The following MSRA variants were observed in gnomAD, a reference collection of about 807,000 sequenced individuals.
MSRA encodes the protein methionine sulfoxide reductase A.
Under a neutral mutation model 31.3 loss-of-function variants are expected in MSRA, and 54 were observed. The observed-to-expected ratio is 1.73, with a 90% CI of 1.39 to 2.17. The LOEUF (loss-of-function observed/expected upper bound fraction) is 2.17, where lower values mean the gene tolerates loss of function less well. MSRA is among the 30% of genes most tolerant of loss of function. MSRA has a pLI of 0.00. For missense variants in MSRA, 507 were observed against 300.9 expected, an observed-to-expected ratio of 1.69 and a Z score of -5.07; for synonymous variants, 169 against 116.5, an observed-to-expected ratio of 1.45 and a Z score of -2.90.
rs1331681642 is a variant in MSRA at position 10,409,673 on chromosome 8, GC to G, written c.544-18472del. ...AATGCATACGCAGCATCACCCCTAG[GC>G]CCTCCTCGCCCCACCAACATGCACG... is the stretch of plus-strand genomic sequence containing the variant. On this transcript the variant is annotated intron_variant, in intron 5 of 5. Coordinates refer to ENST00000317173, the MANE Select transcript of MSRA (RefSeq NM_012331.5). Among the ~76,000 whole-genome samples the G allele has an allele frequency of 2.0e-5, 3 of 152,328 alleles. No homozygotes were observed. The South Asian group carries it at 6.2e-4, about 32-fold the overall frequency.
intron 1 of MSRA, among the ~76,000 whole-genome samples, chr8:10,205,003 G>T (rs1341348435): frequency 5.3e-5 from 8 of 152,170 alleles, no homozygotes; most frequent in Non-Finnish European, 8.8e-5. Flanking sequence ...GGTCCTGAGG[G>T]ATCAGGGTGG....
chr8:10,302,530 A>G (rs142421810), intron 4 of MSRA, among the ~76,000 whole-genome samples: 80 of 152,306 alleles, frequency 5.3e-4, no homozygotes, highest in African/African-American at 1.8e-3. Context: ...TCCAAATGTA[A>G]ATTGTGCTTC....
chr8:10,288,585 T>G (rs1312321709), intron 3 of MSRA, among the ~76,000 whole-genome samples: 1 of 152,210 alleles, frequency 6.6e-6, no homozygotes, highest in African/African-American at 2.4e-5. Context: ...TTTGGCACTG[T>G]CTAGGAGGCA....
At chr8:10,417,510 C>A (rs866547813) in intron 5 of MSRA, among the ~76,000 whole-genome samples, 1 of 152,044 alleles carries the variant, frequency 6.6e-6, no homozygotes, top group African/African-American at 2.4e-5. Flanking sequence ...CGTCCCCCTT[C>A]CTTGTGGCTG....
chr8:10,165,043 T>C (rs1216035154), intron 1 of MSRA, among the ~76,000 whole-genome samples: 1 of 152,062 alleles, frequency 6.6e-6, no homozygotes, highest in African/African-American at 2.4e-5. Flanking sequence ...ACTGTATTGA[T>C]GTCTGGGCTG....
chr8:10,353,770 A>G (rs1027984431), intron 5 of MSRA: 4 of 370,326 alleles, frequency 1.1e-5, no homozygotes, highest in Admixed American at 6.7e-5. Context: ...TTCCACTTGG[A>G]AAATTCTTTT....
intron 1 of MSRA, among the ~76,000 whole-genome samples, chr8:10,194,556 G>C (rs1807809806): frequency 6.6e-6 from 1 of 152,152 alleles, no homozygotes; most frequent in African/African-American, 2.4e-5. Context: ...TTTCCACAGA[G>C]TGAGGAAAAA....
chr8:10,084,904 T>A (rs1428796440), intron 1 of MSRA, among the ~76,000 whole-genome samples: 1 of 138,078 alleles, frequency 7.2e-6, no homozygotes, highest in Admixed American at 7.4e-5. Flanking sequence ...GAATTAACAT[T>A]CTTTTATTTT....
At chr8:10,249,495 A>C (rs766566407) in intron 3 of MSRA, among the ~76,000 whole-genome samples, 1 of 152,156 alleles carries the variant, frequency 6.6e-6, no homozygotes, top group East Asian at 1.9e-4. Context: ...TTAAAAGTGT[A>C]TGTAACTTTT....
At chr8:10,408,112 A>G (rs12679662) in intron 5 of MSRA, among the ~76,000 whole-genome samples, 19,082 of 152,128 alleles carry the variant, frequency 0.13, 2,083 homozygotes, top group East Asian at 0.45. Context: ...CACAGACAGA[A>G]CTGGCTCACT....
At chr8:10,304,607 G>C (rs982948350) in intron 4 of MSRA, among the ~76,000 whole-genome samples, 2 of 152,176 alleles carry the variant, frequency 1.3e-5, no homozygotes, top group Middle Eastern at 3.2e-3. Flanking sequence ...TCGAAGGATG[G>C]ACCAGAGGCA....
At chr8:10,163,002 G>T (rs1259078329) in intron 1 of MSRA, among the ~76,000 whole-genome samples, 1 of 152,094 alleles carries the variant, frequency 6.6e-6, no homozygotes, top group Non-Finnish European at 1.5e-5. Flanking sequence ...TTTGGGGAGG[G>T]GGCTCTGGGA....
At chr8:10,160,822 C>A (rs1465159763) in intron 1 of MSRA, among the ~76,000 whole-genome samples, 3 of 152,108 alleles carry the variant, frequency 2.0e-5, no homozygotes, top group African/African-American at 7.2e-5. Context: ...GCCATCGTAC[C>A]CGGCCGAGAT....
At chr8:10,148,482 AC>A (rs1399952794) in intron 1 of MSRA, among the ~76,000 whole-genome samples, 1 of 151,980 alleles carries the variant, frequency 6.6e-6, no homozygotes, top group African/African-American at 2.4e-5. Context: ...CCCCATCTCT[AC>A]TAAAAATACA....
intron 3 of MSRA, among the ~76,000 whole-genome samples, chr8:10,259,138 C>T (rs1336606085): frequency 1.3e-5 from 2 of 151,586 alleles, no homozygotes; most frequent in Non-Finnish European, 2.9e-5. Context: ...TATATATGTT[C>T]ATCTGTTGCC....
chr8:10,184,737 A>G (rs1406989379), intron 1 of MSRA, among the ~76,000 whole-genome samples: 1 of 152,196 alleles, frequency 6.6e-6, no homozygotes, highest in Admixed American at 6.5e-5. Context: ...AATTTGGTGG[A>G]TGAAGAGATC....
At chr8:10,101,072 G>A (rs750249357) in intron 1 of MSRA, among the ~76,000 whole-genome samples, 3 of 152,188 alleles carry the variant, frequency 2.0e-5, no homozygotes, top group Non-Finnish European at 2.9e-5. Context: ...TGGGAAATCT[G>A]CCTTTGAAAC....
intron 1 of MSRA, among the ~76,000 whole-genome samples, chr8:10,169,878 T>G (rs1400974683): frequency 1.3e-5 from 2 of 151,558 alleles, no homozygotes; most frequent in African/African-American, 4.8e-5. Flanking sequence ...TATTTGTTCT[T>G]GTAACTTTTT....
At chr8:10,153,965 G>A (rs1803935030) in intron 1 of MSRA, among the ~76,000 whole-genome samples, 1 of 152,144 alleles carries the variant, frequency 6.6e-6, no homozygotes, top group African/African-American at 2.4e-5. Flanking sequence ...GACAAAATTT[G>A]ACAATTTTCA....
Sources: gnomAD v4.1 joint callset for allele counts (sites outside exome capture counted in the v4.1 genomes callset) on GRCh38, gnomAD v4.1.1 for gene constraint, MANE v1.5 for transcripts, NCBI Gene and HGNC (gene_info 2026-07-23, HGNC 2026-07-21) for gene names.